SESN1: variants seen among roughly 807,000 people sequenced by gnomAD.
SESN1 encodes the protein sestrin-1.
A neutral mutation model predicts 59.3 loss-of-function variants in SESN1; 30 were observed. The observed-to-expected ratio is 0.51, with a 90% CI of 0.38 to 0.69. The LOEUF is 0.69. Ranked by LOEUF, SESN1 falls within the 30% of genes least tolerant of loss-of-function variation. The probability of loss-of-function intolerance (pLI) is 0.00; values close to 1 mark genes in which losing one functional copy is unlikely to be tolerated. For missense variants in SESN1, 566 were observed against 673.0 expected (o/e 0.84, Z 1.76); for synonymous variants, 197 against 219.9 (o/e 0.90, Z 0.92).
At chr6:109,062,399 G>A (rs1182181001) in intron 1 of SESN1, among the ~76,000 whole-genome samples, 4 of 152,182 alleles carry the variant, frequency 2.6e-5, no homozygotes, top group African/African-American at 9.7e-5. Context: ...GCAAGATGAG[G>A]CTGCCAAGGT....
In SESN1 at chr6:109,080,713, G is replaced by C. The variant is rs567637991; in HGVS notation, c.279+13082C>G. On this transcript the variant is annotated intron_variant, in intron 1 of 9. Coordinates refer to ENST00000436639, the MANE Select transcript of SESN1 (RefSeq NM_014454.3). ...TATTCAGATAATGAGGTATAATGTT[G>C]GAAAGCACAGACTCTTGAGTCTCAC... Among the ~76,000 whole-genome samples the C allele has an allele frequency of 9.9e-4, 150 of 152,196 alleles. 1 individual carries two copies. The highest frequency in any genetic ancestry group is 3.5e-3 in the African/African-American group (147 of 41,532).
intron 1 of SESN1, among the ~76,000 whole-genome samples, chr6:109,052,292 G>T (rs1780553303): frequency 6.6e-6 from 1 of 151,928 alleles, no homozygotes; most frequent in Admixed American, 6.5e-5. Context: ...AAATATTTGA[G>T]AAAATTTTAA....
chr6:109,064,995 CTT>C (rs1462295403), intron 1 of SESN1, among the ~76,000 whole-genome samples: 1 of 152,128 alleles, frequency 6.6e-6, no homozygotes, highest in Non-Finnish European at 1.5e-5. Context: ...ACTGTGTCCT[CTT>C]GTTTTCCTCA....
Position 108,985,581 on chromosome 6 carries a change from T to TA in SESN1, c.*1962dup, listed in dbSNP as rs1485386644. On this transcript the variant is annotated 3_prime_UTR_variant, in exon 10 of 10. Coordinates refer to ENST00000436639, the MANE Select transcript of SESN1 (RefSeq NM_014454.3). ...TTACTTTAGGTATAAACATATTTTT[T>TA]AACTCATTAAAATTTTGATTTCAAT... Among the ~76,000 whole-genome samples, 1 of 152,232 alleles carries TA rather than the reference T, an allele frequency of 6.6e-6. No individual in the cohort carries two copies. Among genetic ancestry groups the TA allele is most frequent in the African/African-American group, 2.4e-5 (1 of 41,466 alleles).
chr6:109,011,490 C>T (rs1478476393), intron 1 of SESN1, among the ~76,000 whole-genome samples: 1 of 152,132 alleles, frequency 6.6e-6, no homozygotes, highest in Non-Finnish European at 1.5e-5. Context: ...ACCTAAATTC[C>T]TCAAAGAGTA....
At chr6:109,041,416 T>A (rs1375789969) in intron 1 of SESN1, among the ~76,000 whole-genome samples, 1 of 152,206 alleles carries the variant, frequency 6.6e-6, no homozygotes, top group Non-Finnish European at 1.5e-5. Flanking sequence ...CCAAACATAC[T>A]TGTACAAGTA....
At position 109,001,500 on chromosome 6, in the gene SESN1, A is replaced by AGG; in HGVS notation, c.346-13_346-12insCC. 1 of 1,610,226 alleles carries AGG rather than the reference A, an allele frequency of 6.2e-7. No individual in the cohort carries two copies. Among genetic ancestry groups the AGG allele is most frequent in the African/African-American group, 1.3e-5 (1 of 74,834 alleles). On this transcript the variant is annotated splice_polypyrimidine_tract_variant and intron_variant, in intron 2 of 9. Transcript: ENST00000436639. ...CCCACTTGGAGGATCTGTATAAATG[A>AGG]GAAAAACCATGGTTACTGAAATGGT...
chr6:109,022,411 CTTTTTTTTTTTTTTTTTTT>C (rs779366759), intron 1 of SESN1, among the ~76,000 whole-genome samples: 1 of 65,870 alleles, frequency 1.5e-5, no homozygotes, highest in Non-Finnish European at 2.7e-5. Context: ...TGTTCTAAAG[CTTTTTTTTTTTTTTTTTTT>C]TTTTTTTTTT....
chr6:109,052,591 C>T (rs1780558642), intron 1 of SESN1, among the ~76,000 whole-genome samples: 1 of 152,068 alleles, frequency 6.6e-6, no homozygotes, highest in African/African-American at 2.4e-5. Flanking sequence ...TGAGAGTATT[C>T]ATTATGTACT....
intron 1 of SESN1, among the ~76,000 whole-genome samples, chr6:109,014,952 A>G (rs1448865879): frequency 6.6e-6 from 1 of 152,232 alleles, no homozygotes; most frequent in Non-Finnish European, 1.5e-5. Context: ...TATAAGCTTC[A>G]TAAAATCAGA....
At chr6:109,009,665 C>T (rs1365731567) in intron 1 of SESN1, 1 of 593,348 alleles carries the variant, frequency 1.7e-6, no homozygotes, top group Non-Finnish European at 2.2e-6. Flanking sequence ...CCCCGCAAAG[C>T]ACCGCCCCTC....
At chr6:109,026,271 G>C (rs192356476) in intron 1 of SESN1, among the ~76,000 whole-genome samples, 5 of 152,284 alleles carry the variant, frequency 3.3e-5, no homozygotes, top group Non-Finnish European at 4.4e-5. Context: ...AACTGAAGGA[G>C]TGTCAGTTCA....
Position 109,094,277 on chromosome 6 carries a change from C to T in SESN1, c.-204G>A, listed in dbSNP as rs1212321518. On this transcript the variant is annotated 5_prime_UTR_variant, in exon 1 of 10. It adds an upstream start codon to the 5' untranslated region. Coordinates refer to ENST00000436639, the MANE Select transcript of SESN1 (RefSeq NM_014454.3). ...CACCCTCTCACCCTCTCCTTGTACA[C>T]GAAAGGGCAGTCTTCTTTCTGGAAA... The T allele has an allele frequency of 5.2e-6, 3 of 577,308 alleles. No individual in the cohort carries two copies. Among genetic ancestry groups the T allele is most frequent in the East Asian group, 2.9e-5 (1 of 34,200 alleles). The allele number at this position is 577,308 out of a possible 1,614,324, so 35.8% of individuals were successfully genotyped here. A position where few individuals can be genotyped will look rare whatever the true frequency, so the allele number is the denominator to read the frequency against.
At chr6:109,079,238 T>G (rs1781080567) in intron 1 of SESN1, among the ~76,000 whole-genome samples, 1 of 150,316 alleles carries the variant, frequency 6.7e-6, no homozygotes, top group Non-Finnish European at 1.5e-5. Context: ...ATATTCATAC[T>G]CTAATATTCA....
chr6:109,045,899 G>A (rs970255147), intron 1 of SESN1, among the ~76,000 whole-genome samples: 1 of 152,118 alleles, frequency 6.6e-6, no homozygotes, highest in Non-Finnish European at 1.5e-5. Flanking sequence ...TAAATGTGAG[G>A]CACGATATGG....
intron 1 of SESN1, among the ~76,000 whole-genome samples, chr6:109,051,554 A>G (rs1780542408): frequency 6.6e-6 from 1 of 152,200 alleles, no homozygotes; most frequent in Admixed American, 6.5e-5. Flanking sequence ...AAAGTATGAA[A>G]AACACTTAAA....
intron 3 of SESN1, 117 bp from the exon 4 acceptor site, chr6:109,000,790 G>A (rs955551131): frequency 7.9e-5 from 64 of 813,254 alleles, no homozygotes; most frequent in East Asian, 1.6e-4. Flanking sequence ...CAAATTTTCC[G>A]TAAACTACAG....
At chr6:109,079,921 C>G (rs1163137859) in intron 1 of SESN1, among the ~76,000 whole-genome samples, 2 of 152,102 alleles carry the variant, frequency 1.3e-5, no homozygotes, top group Non-Finnish European at 2.9e-5. Context: ...ATTATACAAC[C>G]TAGGCTTGAT....
At chr6:109,090,145 T>C (rs1341621449) in intron 1 of SESN1, among the ~76,000 whole-genome samples, 7 of 152,242 alleles carry the variant, frequency 4.6e-5, no homozygotes, top group African/African-American at 1.7e-4. Flanking sequence ...ACATCATTTA[T>C]TTTATTCTCA....
Sources: gnomAD v4.1 joint callset for allele counts (sites outside exome capture counted in the v4.1 genomes callset) on GRCh38, gnomAD v4.1.1 for gene constraint, MANE v1.5 for transcripts, NCBI Gene and HGNC (gene_info 2026-07-23, HGNC 2026-07-21) for gene names.